CSNK1E: variants seen among roughly 807,000 people sequenced by gnomAD.
CSNK1E encodes the protein casein kinase 1 epsilon, also known as casein kinase I isoform epsilon.
CSNK1E carries 17 observed loss-of-function variants against 46.1 expected under a neutral mutation model. The ratio of observed to expected loss-of-function variants is 0.37; its 90% CI spans 0.25 to 0.55. CSNK1E has a LOEUF of 0.55. Among genes scored for constraint, CSNK1E ranks in the 20% least tolerant of loss-of-function variants. The pLI, the probability that CSNK1E is intolerant of heterozygous loss-of-function variation, is 0.82. For missense variants in CSNK1E, 386 were observed against 595.4 expected, an observed-to-expected ratio of 0.65 and a Z score of 3.66; for synonymous variants, 241 against 242.6, an observed-to-expected ratio of 0.99 and a Z score of 0.06.
Position 38,298,066 on chromosome 22 carries a change from G to A in CSNK1E, c.885+720C>T. ...CTCACTGGTCAAGTGGCAAATTTTG[G>A]AAAAGCCAGACCTCAGAGGATCCTT... On this transcript the variant is annotated intron_variant, in intron 7 of 10. Transcript: ENST00000396832. The surrounding 1 kb of genome is among the most constrained non-coding windows in gnomAD (Gnocchi z 4.2). 1 of 1,165,010 alleles carries A rather than the reference G, an allele frequency of 8.6e-7. No homozygotes were observed. Among genetic ancestry groups the A allele is most frequent in the Non-Finnish European group, 1.1e-6 (1 of 919,066 alleles). The allele number at this position is 1,165,010 out of a possible 1,614,324, so 72.2% of individuals were successfully genotyped here.
intron 2 of CSNK1E, among the ~76,000 whole-genome samples, chr22:38,306,707 G>A (rs1461887084): frequency 1.3e-5 from 2 of 148,884 alleles, no homozygotes; most frequent in African/African-American, 5.0e-5. Flanking sequence ...CTCCAGCCTG[G>A]CGACAGAGCA....
chr22:38,301,301 C>T (rs566700707), intron 4 of CSNK1E, among the ~76,000 whole-genome samples: 10 of 152,298 alleles, frequency 6.6e-5, no homozygotes, highest in Non-Finnish European at 1.5e-5. Flanking sequence ...GCCAGAGAGG[C>T]AACAGATGTG....
Position 38,317,212 on chromosome 22 carries a change from G to T in CSNK1E, c.-65C>A, listed in dbSNP as rs1420813098. On this transcript the variant is annotated 5_prime_UTR_variant, in exon 1 of 11. Coordinates refer to ENST00000396832, the MANE Select transcript of CSNK1E (RefSeq NM_152221.3). ...CACTGCTCGGGGGGCTGCCGCGGGCGGGGGCGGCCCGCCGGGGCGGATGCC... is the reference window on the plus strand; with the variant it reads ...CACTGCTCGGGGGGCTGCCGCGGGCTGGGGCGGCCCGCCGGGGCGGATGCC... 2 of 150,220 alleles carry T rather than the reference G, an allele frequency of 1.3e-5. No individual in the cohort carries two copies. The highest frequency in any genetic ancestry group is 4.9e-5 in the African/African-American group (2 of 41,082). The allele number at this position is 150,220 out of a possible 1,614,324, so 9.3% of individuals were successfully genotyped here. A position where few individuals can be genotyped will look rare whatever the true frequency, so the allele number is the denominator to read the frequency against.
chr22:38,303,084 A>G lies in CSNK1E; in HGVS notation c.187+54T>C, dbSNP rs1335808449. The G allele has an allele frequency of 6.3e-7, 1 of 1,598,830 alleles. No individual in the cohort carries two copies. The highest frequency in any genetic ancestry group is 1.3e-5 in the African/African-American group (1 of 74,604). On this transcript the variant is annotated intron_variant, in intron 3 of 10. Coordinates refer to ENST00000396832, the MANE Select transcript of CSNK1E (RefSeq NM_152221.3). The surrounding 1 kb of genome is among the most constrained non-coding windows in gnomAD (Gnocchi z 4.7). The stretch of plus-strand genomic sequence containing the variant: ...GCCACGCCCGGCCCACCCTGTGCTC[A>G]TGGCTGCCCACCGCCACCCACCCGG...
Position 38,294,428 on chromosome 22 carries a change from C to T in CSNK1E, c.992G>A (p.Gly331Asp). 1 of 1,564,490 alleles carries T rather than the reference C, an allele frequency of 6.4e-7. No individual in the cohort carries two copies. The change falls in exon 8 of 11, where the codon GGC (glycine) becomes GAC (aspartate). Residue 331 changes from glycine (G) to aspartate (D), a missense_variant. Gly to Asp is a moderately conservative substitution (Grantham distance 94, BLOSUM62 -1). Coordinates refer to ENST00000396832, the MANE Select transcript of CSNK1E (RefSeq NM_152221.3). The surrounding 1 kb of genome is among the most constrained non-coding windows in gnomAD (Gnocchi z 5.5). The part of the protein sequence containing the change: ...RGSATRALPP[G>D]PPTGATANRL... ...GTTGGCAGTGGCCCCCGTGGGTGGG[C>T]CAGGGGGCAGGGCTCGGGTCGCGGA...
intron 6 of CSNK1E, 83 bp downstream of exon 6, chr22:38,299,812 C>T (rs893249299): frequency 1.9e-5 from 28 of 1,501,150 alleles, no homozygotes; most frequent in Non-Finnish European, 2.2e-5. Context: ...CTAGCCCCAG[C>T]GTGGGCTTTG....
Position 38,294,270 on chromosome 22 carries a change from A to C in CSNK1E, c.1079-22T>G, listed in dbSNP as rs751588697. 20 of 1,608,826 alleles carry C rather than the reference A, an allele frequency of 1.2e-5. No individual in the cohort carries two copies. The highest frequency in any genetic ancestry group is 1.7e-5 in the Non-Finnish European group (20 of 1,178,756). ...TTGCCTGGAGGGAGAGTGGGAAGCC[A>C]CCCTCAGAGTAGGCACAAACAGAGC... On this transcript the variant is annotated intron_variant, in intron 8 of 10. Transcript: ENST00000396832. This position sits in a 1 kb window ranked among gnomAD's most constrained non-coding sequence, Gnocchi z 5.5.
chr22:38,299,777 G>C, intron 6 of CSNK1E, 118 bp downstream of exon 6: 1 of 1,182,800 alleles, frequency 8.5e-7, no homozygotes, highest in Non-Finnish European at 1.2e-6. Context: ...CAAAGTGCCA[G>C]GACTGCAGGC....
At chr22:38,304,924 C>T (rs1452866104) in intron 2 of CSNK1E, among the ~76,000 whole-genome samples, 2 of 151,940 alleles carry the variant, frequency 1.3e-5, no homozygotes, top group Non-Finnish European at 2.9e-5. Context: ...GAGTCCGAGA[C>T]CAGCCCAGCC....
intron 10 of CSNK1E, chr22:38,292,912 G>A (rs2092618888): frequency 3.0e-6 from 1 of 328,576 alleles, no homozygotes; most frequent in Non-Finnish European, 5.8e-6. Context: ...AATGCCGTGG[G>A]AGAGGTCAGA....
intron 7 of CSNK1E, chr22:38,296,599 C>A: frequency 6.2e-7 from 1 of 1,612,804 alleles, no homozygotes; most frequent in South Asian, 1.1e-5. Flanking sequence ...GGTGCCTCTG[C>A]CCAGCTTCTA....
chr22:38,298,670 A>C lies in CSNK1E; in HGVS notation c.885+116T>G. ...CCCAGTGAGGTCAACCACACTGTCC[A>C]GCTCGTACCTCCCGTCTGTCGGGAG... On this transcript the variant is annotated intron_variant, in intron 7 of 10. Transcript: ENST00000396832. The surrounding 1 kb of genome is among the most constrained non-coding windows in gnomAD (Gnocchi z 4.2). The C allele has an allele frequency of 8.1e-7, 1 of 1,227,212 alleles. No homozygotes were observed. Among genetic ancestry groups the C allele is most frequent in the East Asian group, 2.3e-5 (1 of 42,746 alleles). 76.0% of individuals were successfully genotyped at this position (1,227,212 alleles called of 1,614,324 possible). A position where few individuals can be genotyped will look rare whatever the true frequency, so the allele number is the denominator to read the frequency against.
rs935121668 is a variant in CSNK1E at position 38,300,329 on chromosome 22, T to C, written c.566-264A>G. On this transcript the variant is annotated intron_variant, in intron 5 of 10. Coordinates refer to ENST00000396832, the MANE Select transcript of CSNK1E (RefSeq NM_152221.3). The surrounding 1 kb of genome is among the most constrained non-coding windows in gnomAD (Gnocchi z 4.4). Reference sequence around the variant, plus strand: ...TCAATGACTATGAGAGGGCACCTACTGCCCCCTTGCCTGGCCCACCCCGTG... The same window carrying C: ...TCAATGACTATGAGAGGGCACCTACCGCCCCCTTGCCTGGCCCACCCCGTG... 4.6e-5 allele frequency among the ~76,000 whole-genome samples: 7 copies of C among 152,234 alleles called. No homozygotes were observed. Among genetic ancestry groups the C allele is most frequent in the Non-Finnish European group, 7.3e-5 (5 of 68,038 alleles).
chr22:38,292,941 G>A (rs917011327), intron 10 of CSNK1E: 9 of 384,730 alleles, frequency 2.3e-5, no homozygotes, highest in Admixed American at 1.2e-4. Context: ...CCATGGCCCC[G>A]TCTCTGCTGG....
intron 7 of CSNK1E, chr22:38,295,466 T>A: frequency 1.1e-6 from 1 of 874,238 alleles, no homozygotes; most frequent in Non-Finnish European, 1.4e-6. Flanking sequence ...GAGAGAGCTC[T>A]GGGCTGAGTT....
At position 38,299,448 on chromosome 22, in the gene CSNK1E, G is replaced by C. The variant is rs78002848; in HGVS notation, c.736+447C>G. ...CCAGGACAGGGAAACCGGGCCTTCT[G>C]GCTGTGCCAAGGAGTGGCAAAGAGC... On this transcript the variant is annotated intron_variant, in intron 6 of 10. Coordinates refer to ENST00000396832, the MANE Select transcript of CSNK1E (RefSeq NM_152221.3). Among the ~76,000 whole-genome samples, 596 of 152,372 alleles carry C rather than the reference G, an allele frequency of 3.9e-3. 1 individual carries two copies. The highest frequency in any genetic ancestry group is 0.014 in the African/African-American group (574 of 41,600).
chr22:38,300,298 A>T lies in CSNK1E; in HGVS notation c.566-233T>A, dbSNP rs1409178126. ...CCTAGTTTTTCCAGTTCAGGCACTTAATCATTCAATGACTATGAGAGGGCA... is the reference window on the plus strand; with the variant it reads ...CCTAGTTTTTCCAGTTCAGGCACTTTATCATTCAATGACTATGAGAGGGCA... On this transcript the variant is annotated intron_variant, in intron 5 of 10. Coordinates refer to ENST00000396832, the MANE Select transcript of CSNK1E (RefSeq NM_152221.3). This position sits in a 1 kb window ranked among gnomAD's most constrained non-coding sequence, Gnocchi z 4.4. Among the ~76,000 whole-genome samples, 1 of 152,220 alleles carries T rather than the reference A, an allele frequency of 6.6e-6. No individual in the cohort carries two copies. The highest frequency in any genetic ancestry group is 1.5e-5 in the Non-Finnish European group (1 of 68,036).
At position 38,294,289 on chromosome 22, in the gene CSNK1E, A is replaced by G. The variant is rs1452493897; in HGVS notation, c.1079-41T>C. 6.2e-7 allele frequency: 1 copy of G among 1,602,328 alleles called. No homozygotes were observed. Among genetic ancestry groups the G allele is most frequent in the African/African-American group, 1.3e-5 (1 of 74,730 alleles). On this transcript the variant is annotated intron_variant, in intron 8 of 10. Transcript: ENST00000396832. This position sits in a 1 kb window ranked among gnomAD's most constrained non-coding sequence, Gnocchi z 5.5. ...GAAGCCACCCTCAGAGTAGGCACAA[A>G]CAGAGCCCCCCACCCACCCTGAACC... is the stretch of plus-strand genomic sequence containing the variant.
chr22:38,306,257 C>A lies in CSNK1E; in HGVS notation c.77-3009G>T, dbSNP rs1431661859. 2.6e-5 allele frequency among the ~76,000 whole-genome samples: 4 copies of A among 152,100 alleles called. No homozygotes were observed. The East Asian group carries it at 7.7e-4, about 29-fold the overall frequency. On this transcript the variant is annotated intron_variant, in intron 2 of 10. Coordinates refer to ENST00000396832, the MANE Select transcript of CSNK1E (RefSeq NM_152221.3). The stretch of plus-strand genomic sequence containing the variant: ...TGAACAGAAACATGACTGTACAGGG[C>A]TAAGTGGGTCAGGGAGGAAGGGGTG...
Sources: gnomAD v4.1 joint callset for allele counts (sites outside exome capture counted in the v4.1 genomes callset) on GRCh38, gnomAD v4.1.1 for gene constraint, Gnocchi (gnomAD v3.1) non-coding constraint, MANE v1.5 for transcripts, NCBI Gene and HGNC (gene_info 2026-07-23, HGNC 2026-07-21) for gene names.